NBAS: variants seen among roughly 807,000 people sequenced by gnomAD.
NBAS encodes the protein NBAS subunit of NRZ tethering complex.
A neutral mutation model predicts 302.5 loss-of-function variants in NBAS; 219 were observed. The observed-to-expected ratio is 0.72, with a 90% CI of 0.65 to 0.81. The LOEUF is 0.81. Ranked by LOEUF, NBAS falls within the 30% of genes least tolerant of loss-of-function variation. The pLI is 0.00. For synonymous variants in NBAS, 1,118 were observed against 1,021.6 expected (o/e 1.09, Z -1.80); for missense variants, 2,932 against 2,841.6 (o/e 1.03, Z -0.72).
At chr2:15,228,010 C>T (rs1667214729) in intron 47 of NBAS, among the ~76,000 whole-genome samples, 1 of 152,038 alleles carries the variant, frequency 6.6e-6, no homozygotes, top group Non-Finnish European at 1.5e-5. Context: ...AACTAAAAAG[C>T]TCTGTTATGT....
At chr2:15,329,464 C>A (rs1672222610) in intron 36 of NBAS, among the ~76,000 whole-genome samples, 1 of 152,238 alleles carries the variant, frequency 6.6e-6, no homozygotes, top group Non-Finnish European at 1.5e-5. Context: ...ATCTCACTGT[C>A]TCTTTTCTTC....
chr2:15,185,613 G>A (rs1056264987), intron 50 of NBAS, among the ~76,000 whole-genome samples: 13 of 152,074 alleles, frequency 8.5e-5, no homozygotes, highest in Middle Eastern at 3.2e-3. Flanking sequence ...AGCAGATCAC[G>A]GGTTCATAAG....
chr2:15,144,046 A>T, the NBAS span, among the ~76,000 whole-genome samples: 5,560 of 102,412 alleles, frequency 0.054, 669 homozygotes, highest in East Asian at 0.19. Flanking sequence ...CCTATATATA[A>T]AAATATATAT....
At chr2:14,899,110 CA>C in the NBAS span, among the ~76,000 whole-genome samples, 1 of 152,082 alleles carries the variant, frequency 6.6e-6, no homozygotes, top group Non-Finnish European at 1.5e-5. Flanking sequence ...TCTGTGTTCC[CA>C]AAAAGCAGGA....
chr2:15,437,842 C>T (rs1021897363), intron 21 of NBAS, among the ~76,000 whole-genome samples: 10 of 152,086 alleles, frequency 6.6e-5, no homozygotes, highest in Admixed American at 5.9e-4. Context: ...AATAAGTTAA[C>T]AATTGAGACA....
At chr2:14,903,327 C>CA in the NBAS span, among the ~76,000 whole-genome samples, 1,919 of 62,504 alleles carry the variant, frequency 0.031, 38 homozygotes, top group African/African-American at 0.085. Flanking sequence ...ATAAGCTTTG[C>CA]AAAAAAAAAA....
chr2:15,536,698 A>G, intron 7 of NBAS, 147 bp from the exon 8 acceptor site: 1 of 797,868 alleles, frequency 1.3e-6, no homozygotes, highest in South Asian at 1.8e-5. Flanking sequence ...CTCAAGAATC[A>G]TGCAAGTCAG....
At chr2:15,333,526 C>T (rs1268025815) in intron 35 of NBAS, among the ~76,000 whole-genome samples, 1 of 152,048 alleles carries the variant, frequency 6.6e-6, no homozygotes, top group East Asian at 1.9e-4. Context: ...CTGCCTCAGT[C>T]CCAGCTTAAA....
At chr2:15,455,261 C>T (rs1477761892) in intron 21 of NBAS, among the ~76,000 whole-genome samples, 1 of 152,130 alleles carries the variant, frequency 6.6e-6, no homozygotes, top group Admixed American at 6.6e-5. Context: ...TTCTTGAGTA[C>T]TATACCATTA....
At chr2:15,396,665 A>G (rs1039370031) in intron 26 of NBAS, among the ~76,000 whole-genome samples, 190 bp from the exon 27 acceptor site, 16 of 152,298 alleles carry the variant, frequency 1.1e-4, no homozygotes, top group African/African-American at 3.8e-4. Flanking sequence ...GTAGAACAAT[A>G]TTCTCTGTTA....
chr2:14,831,995 A>G, the NBAS span, among the ~76,000 whole-genome samples: 1 of 152,156 alleles, frequency 6.6e-6, no homozygotes, highest in African/African-American at 2.4e-5. Flanking sequence ...TTTAGGCATC[A>G]CTCAGAGTGA....
the NBAS span, among the ~76,000 whole-genome samples, chr2:15,119,129 G>T: frequency 6.6e-6 from 1 of 152,074 alleles, no homozygotes. Flanking sequence ...TCAGCAAGGA[G>T]AATTCCTCTG....
intron 1 of NBAS, among the ~76,000 whole-genome samples, chr2:15,559,529 T>C (rs1383077011): frequency 1.3e-5 from 2 of 152,106 alleles, no homozygotes; most frequent in Non-Finnish European, 2.9e-5. Flanking sequence ...TGTAGACAGA[T>C]TTTTTTAAAA....
the NBAS span, among the ~76,000 whole-genome samples, chr2:14,967,425 A>G: frequency 6.6e-6 from 1 of 152,220 alleles, no homozygotes; most frequent in Non-Finnish European, 1.5e-5. Context: ...CCAAGCCTCC[A>G]CTGGCATAAA....
At chr2:15,179,886 TAAG>T (rs1022713489) in intron 50 of NBAS, 1 of 152,110 alleles carries the variant, frequency 6.6e-6, no homozygotes, top group Non-Finnish European at 1.5e-5. Context: ...CATAAAACAA[TAAG>T]AATAAGATTT....
chr2:15,484,446 T>C (rs1269760917), intron 12 of NBAS, among the ~76,000 whole-genome samples: 12 of 152,176 alleles, frequency 7.9e-5, no homozygotes, highest in Admixed American at 7.9e-4. Flanking sequence ...TTATGCCTAG[T>C]GTTCCATTAT....
the NBAS span, among the ~76,000 whole-genome samples, chr2:14,956,259 G>A: frequency 2.6e-5 from 4 of 152,080 alleles, no homozygotes; most frequent in Admixed American, 2.0e-4. Flanking sequence ...CCAACATTGC[G>A]GCCAAAGCCA....
chr2:15,225,090 C>A (rs1400361335), intron 47 of NBAS, among the ~76,000 whole-genome samples: 2 of 152,104 alleles, frequency 1.3e-5, no homozygotes, highest in East Asian at 3.9e-4. Flanking sequence ...CACACAATTC[C>A]AATCTCAAAG....
rs556940767 is a variant in NBAS at position 15,542,873 on chromosome 2, C to T, written c.380-3517G>A. Among the ~76,000 whole-genome samples, 16 of 149,110 alleles carry T rather than the reference C, an allele frequency of 1.1e-4. No homozygotes were observed. In the South Asian group the frequency reaches 3.2e-3, roughly 30 times the overall value. ...GATTCTATGCACTGCATTGCATCTG[C>T]AAGGGATTTGCTTTTATATGCTAGT... On this transcript the variant is annotated intron_variant, in intron 6 of 51. Transcript: ENST00000281513.
Sources: allele counts gnomAD v4.1 joint callset (sites outside exome capture counted in the v4.1 genomes callset), GRCh38; gene constraint gnomAD v4.1.1; transcripts MANE v1.5; gene names NCBI Gene and HGNC (gene_info 2026-07-23, HGNC 2026-07-21).